The following LCOR variants were observed in gnomAD, a reference collection of about 807,000 sequenced individuals.
The protein encoded by LCOR is ligand dependent nuclear receptor corepressor, also known as ligand-dependent corepressor.
A neutral mutation model predicts 64.4 loss-of-function variants in LCOR; 14 were observed. That is an observed-to-expected ratio of 0.22 (90% CI 0.14 to 0.34). The LOEUF (loss-of-function observed/expected upper bound fraction) is 0.34. Ranked by LOEUF, LCOR falls within the 10% of genes least tolerant of loss-of-function variation. LCOR has a pLI of 1.00. For missense variants in LCOR, 1,686 were observed against 1,765.3 expected (o/e 0.96, Z 0.80); for synonymous variants, 643 against 642.5 (o/e 1.00, Z -0.01).
intron 4 of LCOR, among the ~76,000 whole-genome samples, chr10:96,911,162 A>T (rs943206776): frequency 7.4e-6 from 1 of 134,344 alleles, no homozygotes; most frequent in Admixed American, 8.9e-5. Flanking sequence ...CAGTGGTGTC[A>T]TCTTGGCTCA....
intron 2 of LCOR, among the ~76,000 whole-genome samples, chr10:96,843,123 A>G (rs1845569737): frequency 6.6e-6 from 1 of 151,904 alleles, no homozygotes; most frequent in Non-Finnish European, 1.5e-5. Context: ...CAATGCAAGC[A>G]TGTTTTGTTT....
intron 4 of LCOR, among the ~76,000 whole-genome samples, chr10:96,928,993 T>C (rs1182683887): frequency 2.0e-5 from 3 of 152,246 alleles, no homozygotes; most frequent in Non-Finnish European, 2.9e-5. Context: ...ACTTAAAATA[T>C]TCAGTAAACC....
In LCOR at chr10:96,995,949, A is replaced by G. The variant is rs1363093426; in HGVS notation, c.*10815A>G. 6.6e-6 allele frequency: 1 copy of G among 152,214 alleles called. No homozygotes were observed. The highest frequency in any genetic ancestry group is 2.4e-5 in the African/African-American group (1 of 41,444). The allele number at this position is 152,214 out of a possible 1,614,324, so 9.4% of individuals were successfully genotyped here. ...TATGGCAGCGTATTAAACTTCTTTG[A>G]TATTCAAGTGTGTCTGTGTAGTCAC... On this transcript the variant is annotated 3_prime_UTR_variant, in exon 8 of 8. Coordinates refer to ENST00000421806, the MANE Select transcript of LCOR (RefSeq NM_001346516.2). This position sits in a 1 kb window ranked among gnomAD's most constrained non-coding sequence, Gnocchi z 4.2.
chr10:96,931,025 C>G (rs1013824773), intron 4 of LCOR, among the ~76,000 whole-genome samples: 1 of 151,978 alleles, frequency 6.6e-6, no homozygotes, highest in Non-Finnish European at 1.5e-5. Context: ...TACTTTATAG[C>G]CCTTCCTAGA....
At chr10:96,916,419 A>T (rs1468940189) in intron 4 of LCOR, among the ~76,000 whole-genome samples, 3 of 151,946 alleles carry the variant, frequency 2.0e-5, no homozygotes. Context: ...TATGTTGAAT[A>T]CTTTGGGCAT....
intron 2 of LCOR, among the ~76,000 whole-genome samples, chr10:96,903,061 GGTAA>G (rs1292976195): frequency 2.6e-5 from 4 of 152,206 alleles, no homozygotes; most frequent in Non-Finnish European, 4.4e-5. Flanking sequence ...GTCACACAGT[GGTAA>G]GTATTTGTGT....
chr10:96,903,031 C>A (rs1222482079), intron 2 of LCOR, among the ~76,000 whole-genome samples: 1 of 152,104 alleles, frequency 6.6e-6, no homozygotes, highest in Non-Finnish European at 1.5e-5. Flanking sequence ...GAAATACCAC[C>A]ATTGTCACAC....
At chr10:96,883,740 C>G (rs950409631) in intron 2 of LCOR, among the ~76,000 whole-genome samples, 1 of 152,146 alleles carries the variant, frequency 6.6e-6, no homozygotes, top group Non-Finnish European at 1.5e-5. Context: ...GAATAACAGG[C>G]CTTTATCAGA....
rs562304101 is a variant in LCOR, at chr10:96,840,000, C to G, written c.-330+6521C>G. Among the ~76,000 whole-genome samples the G allele has an allele frequency of 3.3e-5, 5 of 152,236 alleles. No individual in the cohort carries two copies. The South Asian group carries it at 1.0e-3, about 32-fold the overall frequency. ...CTGGTTTATATTTTGTTTCCTGGTGCTAAGTTAAATATACTGTTTTTAAAG... is the reference window on the plus strand; with the variant it reads ...CTGGTTTATATTTTGTTTCCTGGTGGTAAGTTAAATATACTGTTTTTAAAG... On this transcript the variant is annotated intron_variant, in intron 2 of 7. Coordinates refer to ENST00000421806, the MANE Select transcript of LCOR (RefSeq NM_001346516.2).
chr10:96,966,594 T>C (rs1847953584), intron 7 of LCOR, among the ~76,000 whole-genome samples: 1 of 152,232 alleles, frequency 6.6e-6, no homozygotes, highest in Non-Finnish European at 1.5e-5. Context: ...TTAGGTTTTG[T>C]AGCTGAAATG....
chr10:96,943,383 C>T (rs997280501), intron 4 of LCOR, among the ~76,000 whole-genome samples: 1 of 152,236 alleles, frequency 6.6e-6, no homozygotes, highest in African/African-American at 2.4e-5. Flanking sequence ...AGGCATGAGC[C>T]ACCTCGCCTG....
intron 4 of LCOR, among the ~76,000 whole-genome samples, chr10:96,913,493 T>C (rs561072213): frequency 6.6e-6 from 1 of 152,212 alleles, no homozygotes; most frequent in Non-Finnish European, 1.5e-5. Context: ...AAAGTACAGA[T>C]AACATGGATG....
chr10:96,915,732 C>G, intron 4 of LCOR: 1 of 666,460 alleles, frequency 1.5e-6, no homozygotes, highest in African/African-American at 1.8e-5. Flanking sequence ...TCAGCTTTTT[C>G]CTTTTTCCCT....
rs151173090 is a variant in LCOR, at chr10:96,968,315, C to T, written c.333-12478C>T. On this transcript the variant is annotated intron_variant, in intron 7 of 7. Coordinates refer to ENST00000421806, the MANE Select transcript of LCOR (RefSeq NM_001346516.2). The stretch of plus-strand genomic sequence containing the variant: ...GATTTCATACCATCTTACTTATCTC[C>T]GTACCACTTTGGCATTCTTGACTCA... Among the ~76,000 whole-genome samples the T allele has an allele frequency of 6.6e-5, 10 of 152,234 alleles. No homozygotes were observed. In the East Asian group the frequency reaches 1.9e-3, roughly 29 times the overall value.
intron 4 of LCOR, among the ~76,000 whole-genome samples, chr10:96,911,115 T>G (rs1202794740): frequency 1.4e-5 from 2 of 138,204 alleles, no homozygotes; most frequent in Non-Finnish European, 3.1e-5. Context: ...TTTTTTTTTT[T>G]GAGACAGGGT....
chr10:96,929,032 G>C (rs1443868367), intron 4 of LCOR, among the ~76,000 whole-genome samples: 1 of 152,158 alleles, frequency 6.6e-6, no homozygotes, highest in Non-Finnish European at 1.5e-5. Flanking sequence ...TTGTCATCCA[G>C]GCTTTGTTGT....
In LCOR at chr10:96,929,879, C is replaced by T. The variant is rs576314495; in HGVS notation, c.-183-14234C>T. Among the ~76,000 whole-genome samples, 15 of 152,100 alleles carry T rather than the reference C, an allele frequency of 9.9e-5. No individual in the cohort carries two copies. The South Asian group carries it at 2.5e-3, about 25-fold the overall frequency. On this transcript the variant is annotated intron_variant, in intron 4 of 7. Coordinates refer to ENST00000421806, the MANE Select transcript of LCOR (RefSeq NM_001346516.2). ...TATTGTGTCTCAGGGAATAGGAGGT[C>T]GAAGGAGAGGGAGAAAGACAAGGGA...
chr10:96,874,890 C>T (rs1324215593), intron 2 of LCOR, among the ~76,000 whole-genome samples: 1 of 152,054 alleles, frequency 6.6e-6, no homozygotes, highest in African/African-American at 2.4e-5. Context: ...CCTACCTCAG[C>T]CTCTTAAAGT....
intron 2 of LCOR, among the ~76,000 whole-genome samples, chr10:96,876,691 C>CT (rs1005843636): frequency 8.6e-5 from 13 of 151,018 alleles, no homozygotes; most frequent in African/African-American, 2.4e-4. Context: ...AGCTCATAGG[C>CT]TTTTTTTTTC....
Sources: allele counts gnomAD v4.1 joint callset (sites outside exome capture counted in the v4.1 genomes callset), GRCh38; gene constraint gnomAD v4.1.1; non-coding constraint Gnocchi (gnomAD v3.1); transcripts MANE v1.5; gene names NCBI Gene and HGNC (gene_info 2026-07-23, HGNC 2026-07-21).